Variants in FA2H observed in about 807,000 individuals in gnomAD.
FA2H encodes fatty acid 2-hydroxylase.
A neutral mutation model predicts 44.9 loss-of-function variants in FA2H; 22 were observed. The ratio of observed to expected loss-of-function variants is 0.49; its 90% CI spans 0.35 to 0.70. The LOEUF (loss-of-function observed/expected upper bound fraction) is 0.70. Among genes scored for constraint, FA2H ranks in the 30% least tolerant of loss-of-function variants. The probability of loss-of-function intolerance (pLI) is 0.01; values close to 1 mark genes in which losing one functional copy is unlikely to be tolerated. For missense variants in FA2H, 501 were observed against 504.9 expected (o/e 0.99, Z 0.07); for synonymous variants, 243 against 213.2 (o/e 1.14, Z -1.22).
intron 4 of FA2H, chr16:74,725,934 A>T (rs1231077882): frequency 2.4e-6 from 1 of 413,544 alleles, no homozygotes; most frequent in Non-Finnish European, 4.6e-6. Flanking sequence ...TTGGTGTGAC[A>T]CTCAATGAGA....
At chr16:74,767,002 G>A (rs751881169) in intron 1 of FA2H, among the ~76,000 whole-genome samples, 1 of 151,488 alleles carries the variant, frequency 6.6e-6, no homozygotes. Flanking sequence ...CAACAGAGAT[G>A]TTTACCTAGG....
chr16:74,716,792 A>T, intron 5 of FA2H, 193 bp from the exon 6 acceptor site: 1 of 433,252 alleles, frequency 2.3e-6, no homozygotes, highest in Non-Finnish European at 4.1e-6. Context: ...CTTACTTCCC[A>T]TTTGTGAGCC....
chr16:74,743,756 T>G (rs1414804865), intron 1 of FA2H, among the ~76,000 whole-genome samples: 1 of 152,154 alleles, frequency 6.6e-6, no homozygotes. Flanking sequence ...AGCCCCAGAC[T>G]GACTAAGCAA....
chr16:74,774,634 C>A lies in FA2H; in HGVS notation c.122G>T (p.Arg41Leu), dbSNP rs747507656. 2.0e-6 allele frequency: 3 copies of A among 1,513,174 alleles called. No homozygotes were observed. Among genetic ancestry groups the A allele is most frequent in the Admixed American group, 2.0e-5 (1 of 48,818 alleles). 93.7% of individuals were successfully genotyped at this position (1,513,174 alleles called of 1,614,324 possible). ...ARLYDLSSFVRHHPGGEQLLR... is the reference protein window; with the variant it reads ...ARLYDLSSFVLHHPGGEQLLR... ...CAGCTGCTCGCCCCCCGGGTGGTGC[C>A]GCACGAAGCTGGAGAGGTCGTAGAG... Residue 41 changes from arginine to leucine, a missense_variant, in exon 1 of 7, where the codon CGG becomes CTG. Transcript: ENST00000219368.
chr16:74,716,602 G>A lies in FA2H; in HGVS notation c.787-3C>T. 1 of 1,551,958 alleles carries A rather than the reference G, an allele frequency of 6.4e-7. No individual in the cohort carries two copies. The highest frequency in any genetic ancestry group is 8.7e-7 in the Non-Finnish European group (1 of 1,149,898). ...AGGCGGGAGCCGTCGAAGGGTGCCT[G>A]CAGATGGAGAGGCTTGGGCATCAGG... On this transcript the variant is annotated splice_polypyrimidine_tract_variant and splice_region_variant and intron_variant, in intron 5 of 6. Transcript: ENST00000219368.
intron 1 of FA2H, among the ~76,000 whole-genome samples, chr16:74,771,868 T>C (rs1962914382): frequency 6.6e-6 from 1 of 151,764 alleles, no homozygotes; most frequent in South Asian, 2.1e-4. Flanking sequence ...GCTGTCTCTG[T>C]TCCTCCTTGA....
In FA2H at chr16:74,774,477, C is replaced by T; in HGVS notation, c.270+9G>A. 6.6e-7 allele frequency: 1 copy of T among 1,504,016 alleles called. No individual in the cohort carries two copies. The highest frequency in any genetic ancestry group is 8.8e-7 in the Non-Finnish European group (1 of 1,132,346). The allele number at this position is 1,504,016 out of a possible 1,614,324, so 93.2% of individuals were successfully genotyped here. On this transcript the variant is annotated intron_variant, in intron 1 of 6. Transcript: ENST00000219368. ...TGGGTTGGGGTGGGGGGCCCCGGCCCGGCTGTACCTGCTGCTCCCCGCGGA... is the reference window on the plus strand; with the variant it reads ...TGGGTTGGGGTGGGGGGCCCCGGCCTGGCTGTACCTGCTGCTCCCCGCGGA...
At chr16:74,743,151 C>T (rs1962346541) in intron 1 of FA2H, among the ~76,000 whole-genome samples, 1 of 152,166 alleles carries the variant, frequency 6.6e-6, no homozygotes, top group African/African-American at 2.4e-5. Context: ...CATGCCCGAC[C>T]TCTATTTTAC....
At chr16:74,716,832 C>A (rs113713735) in intron 5 of FA2H, 2 of 482,270 alleles carry the variant, frequency 4.1e-6, no homozygotes, top group Non-Finnish European at 3.8e-6. Flanking sequence ...TGCAAAGGAA[C>A]ATGGGATGGG....
intron 4 of FA2H, among the ~76,000 whole-genome samples, chr16:74,720,035 A>G (rs1345271007): frequency 1.3e-5 from 2 of 152,090 alleles, no homozygotes; most frequent in African/African-American, 2.4e-5. Flanking sequence ...ACAGGGCACC[A>G]TCTTCAAGCA....
chr16:74,739,154 G>A (rs1165226291), intron 2 of FA2H, among the ~76,000 whole-genome samples: 1 of 152,188 alleles, frequency 6.6e-6, no homozygotes, highest in Non-Finnish European at 1.5e-5. Context: ...ACTCTTTATG[G>A]CGGTGGTGGG....
intron 1 of FA2H, among the ~76,000 whole-genome samples, chr16:74,763,067 C>A (rs552405183): frequency 1.3e-5 from 2 of 152,152 alleles, no homozygotes; most frequent in African/African-American, 4.8e-5. Context: ...TTCAGTCCAG[C>A]GAGGTGCTCC....
At chr16:74,735,734 A>G (rs1205340822) in intron 2 of FA2H, among the ~76,000 whole-genome samples, 1 of 152,172 alleles carries the variant, frequency 6.6e-6, no homozygotes, top group Non-Finnish European at 1.5e-5. Context: ...CAATCCCAGC[A>G]CCTTGGGAGG....
chr16:74,734,736 A>T (rs1190370695), intron 2 of FA2H, among the ~76,000 whole-genome samples: 1 of 152,072 alleles, frequency 6.6e-6, no homozygotes, highest in African/African-American at 2.4e-5. Flanking sequence ...GTGGCATAGG[A>T]CGCTTTCCTG....
chr16:74,727,338 C>T lies in FA2H; in HGVS notation c.412G>A (p.Gly138Arg). ...KPLLWQVGHL[G>R]EKYDEWVHQP... The stretch of plus-strand genomic sequence containing the variant: ...TGAACCCACTCATCGTACTTCTCTC[C>T]CAAGTGGCCCACCTGCCACAGGAGA... The change falls in exon 3 of 7, where the codon GGA (glycine) becomes AGA (arginine). Residue 138 changes from glycine (G) to arginine (R), a missense_variant. Coordinates refer to ENST00000219368, the MANE Select transcript of FA2H (RefSeq NM_024306.5). 1 of 1,614,154 alleles carries T rather than the reference C, an allele frequency of 6.2e-7. No homozygotes were observed. The highest frequency in any genetic ancestry group is 2.2e-5 in the East Asian group (1 of 44,888).
chr16:74,774,522 C>G lies in FA2H; in HGVS notation c.234G>C (p.Glu78Asp). Residue 78 changes from glutamate to aspartate, a missense_variant, in exon 1 of 7, where the codon GAG (glutamate) becomes GAC (aspartate). Transcript: ENST00000219368. ...RHSANARRWL[E>D]QYYVGELRGE... ...CGCGGAGCTCTCCCACGTAGTACTG[C>G]TCCAGCCAGCGGCGCGCGTTGGCCG... 6.4e-7 allele frequency: 1 copy of G among 1,551,626 alleles called. No homozygotes were observed. Among genetic ancestry groups the G allele is most frequent in the South Asian group, 1.2e-5 (1 of 82,944 alleles).
chr16:74,716,652 G>A (rs1961710100), intron 5 of FA2H, 53 bp from the exon 6 acceptor site: 2 of 1,511,452 alleles, frequency 1.3e-6, no homozygotes, highest in South Asian at 1.3e-5. Flanking sequence ...CCCGGCAGCT[G>A]GCCAAACCCT....
Position 74,731,498 on chromosome 16 carries a change from G to T in FA2H, c.364-4112C>A, listed in dbSNP as rs75387426. ...CTATTTACATTTAATGTTGGAGTAG[G>T]TCTCCTCTGGTTTTCTTTTCTCATT... On this transcript the variant is annotated intron_variant, in intron 2 of 6. Transcript: ENST00000219368. Among the ~76,000 whole-genome samples the T allele has an allele frequency of 7.9e-4, 120 of 152,086 alleles. 2 individuals are homozygous for T. In the East Asian group the frequency reaches 0.02, roughly 26 times the overall value.
chr16:74,743,369 A>C (rs1962350805), intron 1 of FA2H, among the ~76,000 whole-genome samples: 1 of 152,244 alleles, frequency 6.6e-6, no homozygotes, highest in Admixed American at 6.5e-5. Context: ...ATGCTGGCTA[A>C]ATAGAAACAG....
Sources: gnomAD v4.1 joint callset for allele counts (sites outside exome capture counted in the v4.1 genomes callset) on GRCh38, gnomAD v4.1.1 for gene constraint, MANE v1.5 for transcripts, NCBI Gene and HGNC (gene_info 2026-07-23, HGNC 2026-07-21) for gene names.